PTPRN2: variants seen among roughly 807,000 people sequenced by gnomAD.
PTPRN2 encodes the protein receptor-type tyrosine-protein phosphatase N2.
PTPRN2 carries 74 observed loss-of-function variants against 118.8 expected under a neutral mutation model. The observed-to-expected ratio is 0.62, with a 90% CI of 0.52 to 0.76. The LOEUF is 0.76. Ranked by LOEUF, PTPRN2 falls within the 30% of genes least tolerant of loss-of-function variation. The probability of loss-of-function intolerance (pLI) is 0.00; values close to 1 mark genes in which losing one functional copy is unlikely to be tolerated. For synonymous variants in PTPRN2, 641 were observed against 608.0 expected, an observed-to-expected ratio of 1.05 and a Z score of -0.80; for missense variants, 1,481 against 1,394.4, an observed-to-expected ratio of 1.06 and a Z score of -0.99.
intron 12 of PTPRN2, among the ~76,000 whole-genome samples, chr7:157,884,716 C>T (rs939976151): frequency 1.3e-5 from 2 of 152,320 alleles, no homozygotes; most frequent in Non-Finnish European, 2.9e-5. Flanking sequence ...CCTTTATAAA[C>T]CATCAGATCT....
intron 3 of PTPRN2, among the ~76,000 whole-genome samples, chr7:158,311,932 C>G (rs956706408): frequency 6.6e-6 from 1 of 151,100 alleles, no homozygotes; most frequent in Non-Finnish European, 1.5e-5. Flanking sequence ...CACATGTGCT[C>G]ACGTGTAGAC....
intron 12 of PTPRN2, among the ~76,000 whole-genome samples, chr7:157,897,622 G>A (rs1797206853): frequency 1.3e-5 from 2 of 152,228 alleles, no homozygotes; most frequent in African/African-American, 2.4e-5. Flanking sequence ...CCCAGACGCA[G>A]CCATTTTCAA....
At chr7:158,376,658 T>A (rs1320216957) in intron 2 of PTPRN2, among the ~76,000 whole-genome samples, 11 of 69,312 alleles carry the variant, frequency 1.6e-4, no homozygotes, top group African/African-American at 5.1e-4. Context: ...ACGTCCTGCA[T>A]GCGGGGTCAG....
rs373266974 is a variant in PTPRN2 at position 158,220,300 on chromosome 7, G to C, written c.278-15027C>G. Among the ~76,000 whole-genome samples, 5 of 152,224 alleles carry C rather than the reference G, an allele frequency of 3.3e-5. No homozygotes were observed. In the East Asian group the frequency reaches 9.7e-4, roughly 29 times the overall value. ...ACTCTCATCACTCCTATTCAACATA[G>C]TATTGGAATTCCTAGCCAGAGCAGT... is the stretch of plus-strand genomic sequence containing the variant. On this transcript the variant is annotated intron_variant, in intron 3 of 22. Coordinates refer to ENST00000389418, the MANE Select transcript of PTPRN2 (RefSeq NM_002847.5).
At chr7:158,049,400 G>T (rs955363253) in intron 11 of PTPRN2, among the ~76,000 whole-genome samples, 14 of 152,272 alleles carry the variant, frequency 9.2e-5, no homozygotes, top group Middle Eastern at 3.4e-3. Flanking sequence ...TACATGCTCT[G>T]CCCTGTCTTC....
At chr7:157,790,760 T>A (rs1264517324) in intron 12 of PTPRN2, among the ~76,000 whole-genome samples, 3 of 152,228 alleles carry the variant, frequency 2.0e-5, no homozygotes, top group East Asian at 1.9e-4. Context: ...CTATTTTTTT[T>A]AATCCAGAAG....
rs1563131373 is a variant in PTPRN2, at chr7:158,319,473, CAA to C, written c.164-2543_164-2542del. ...ACACGCACACAGCCTCCCTCACACA[CAA>C]GCACAGCCTCCCTCACACTCACACA... On this transcript the variant is annotated intron_variant, in intron 2 of 22. Transcript: ENST00000389418. Among the ~76,000 whole-genome samples, 206 of 55,668 alleles carry C rather than the reference CAA, an allele frequency of 3.7e-3. 17 individuals are homozygous for C. The highest frequency in any genetic ancestry group is 4.0e-3 in the Non-Finnish European group (103 of 25,888). 36.5% of individuals were successfully genotyped at this position (55,668 alleles called of 152,430 possible).
At chr7:158,473,800 T>TTA (rs1820043919) in intron 2 of PTPRN2, among the ~76,000 whole-genome samples, 2 of 151,868 alleles carry the variant, frequency 1.3e-5, no homozygotes, top group African/African-American at 4.8e-5. Flanking sequence ...CATTAATTTT[T>TTA]AAAAAAAGGT....
chr7:157,760,062 C>T (rs780451001), intron 12 of PTPRN2, among the ~76,000 whole-genome samples: 6 of 152,184 alleles, frequency 3.9e-5, no homozygotes, highest in Admixed American at 6.5e-5. Flanking sequence ...TGCTGCAGGC[C>T]GCCAGGGTGC....
intron 11 of PTPRN2, among the ~76,000 whole-genome samples, chr7:157,898,986 C>T (rs974831833): frequency 1.3e-5 from 2 of 152,252 alleles, no homozygotes; most frequent in African/African-American, 2.4e-5. Context: ...AAAGGGGTGT[C>T]CCACCCGGGT....
At chr7:158,024,431 C>T (rs1807121063) in intron 11 of PTPRN2, among the ~76,000 whole-genome samples, 2 of 152,234 alleles carry the variant, frequency 1.3e-5, no homozygotes, top group African/African-American at 4.8e-5. Context: ...TAGTGAAACA[C>T]ACACATTTAG....
At chr7:158,432,092 T>G (rs1816251816) in intron 2 of PTPRN2, among the ~76,000 whole-genome samples, 1 of 152,188 alleles carries the variant, frequency 6.6e-6, no homozygotes, top group African/African-American at 2.4e-5. Context: ...CCACGGAACA[T>G]TCTGGCTGAC....
chr7:158,138,056 G>T (rs1819000378), intron 7 of PTPRN2, among the ~76,000 whole-genome samples: 3 of 152,250 alleles, frequency 2.0e-5, no homozygotes, highest in African/African-American at 7.2e-5. Context: ...GCATGGAGGA[G>T]TGAAACCTCC....
At chr7:158,499,528 G>A (rs1156829732) in intron 1 of PTPRN2, among the ~76,000 whole-genome samples, 11 of 152,148 alleles carry the variant, frequency 7.2e-5, no homozygotes, top group Non-Finnish European at 1.3e-4. Flanking sequence ...AGTGGCTCAC[G>A]TCTATAATCC....
chr7:157,541,996 G>C (rs1159987068), intron 22 of PTPRN2, among the ~76,000 whole-genome samples: 2 of 152,198 alleles, frequency 1.3e-5, no homozygotes, highest in Admixed American at 1.3e-4. Flanking sequence ...TATTAAAGGA[G>C]TCAACTGAGC....
rs1800509909 is a variant in PTPRN2 at position 157,583,723 on chromosome 7, A to C, written c.2497-5583T>G. Among the ~76,000 whole-genome samples the C allele has an allele frequency of 6.6e-6, 1 of 152,192 alleles. No individual in the cohort carries two copies. The highest frequency in any genetic ancestry group is 1.5e-5 in the Non-Finnish European group (1 of 68,040). On this transcript the variant is annotated intron_variant, in intron 17 of 22. Coordinates refer to ENST00000389418, the MANE Select transcript of PTPRN2 (RefSeq NM_002847.5). The surrounding 1 kb of genome is among the most constrained non-coding windows in gnomAD (Gnocchi z 5.5). ...ACATGGCAAAACCCTGTCTTTACTAAAAATAGAAAATTAGCCAGGTGTGTT... is the reference window on the plus strand; with the variant it reads ...ACATGGCAAAACCCTGTCTTTACTACAAATAGAAAATTAGCCAGGTGTGTT...
intron 12 of PTPRN2, among the ~76,000 whole-genome samples, chr7:157,715,085 C>T (rs1798836149): frequency 6.6e-6 from 1 of 152,258 alleles, no homozygotes; most frequent in African/African-American, 2.4e-5. Context: ...GTCCTGCTTT[C>T]TGAGCACTTG....
intron 12 of PTPRN2, among the ~76,000 whole-genome samples, chr7:157,750,632 G>A (rs1801404992): frequency 6.6e-6 from 1 of 152,258 alleles, no homozygotes; most frequent in Admixed American, 6.5e-5. Context: ...AGTGTCTCCA[G>A]TTTATTTTGG....
At chr7:158,506,392 T>C (rs1428472280) in intron 1 of PTPRN2, among the ~76,000 whole-genome samples, 3 of 152,074 alleles carry the variant, frequency 2.0e-5, no homozygotes, top group Non-Finnish European at 2.9e-5. Context: ...CCTCCTTCAG[T>C]AGAATGACTA....
Sources: allele counts gnomAD v4.1 joint callset (sites outside exome capture counted in the v4.1 genomes callset), GRCh38; gene constraint gnomAD v4.1.1; non-coding constraint Gnocchi (gnomAD v3.1); transcripts MANE v1.5; gene names NCBI Gene and HGNC (gene_info 2026-07-23, HGNC 2026-07-21).